Variants in SPTBN1 observed in about 807,000 individuals in gnomAD.
The protein encoded by SPTBN1 is spectrin beta chain, non-erythrocytic 1.
In SPTBN1, 32 loss-of-function variants were observed where a neutral mutation model predicts 266.4. That is an observed-to-expected ratio of 0.12 (90% CI 0.09 to 0.16). SPTBN1 has a LOEUF of 0.16. SPTBN1 is among the 10% of genes least tolerant of loss of function. The pLI is 1.00. For missense variants in SPTBN1, 2,296 were observed against 3,067.1 expected, an observed-to-expected ratio of 0.75 and a Z score of 5.94; for synonymous variants, 1,336 against 1,162.2, an observed-to-expected ratio of 1.15 and a Z score of -3.04.
At chr2:54,472,702 G>A (rs1693992719) in intron 1 of SPTBN1, among the ~76,000 whole-genome samples, 1 of 152,118 alleles carries the variant, frequency 6.6e-6, no homozygotes, top group South Asian at 2.1e-4. Context: ...GTGGGTACCT[G>A]GGTGGGGCTG....
chr2:54,648,399 C>T (rs1192750982), intron 24 of SPTBN1, among the ~76,000 whole-genome samples: 3 of 152,124 alleles, frequency 2.0e-5, no homozygotes, highest in Admixed American at 6.6e-5. Flanking sequence ...CTCCTGACTG[C>T]GCACCTGGGA....
chr2:54,603,703 G>A (rs1046095257), intron 3 of SPTBN1, among the ~76,000 whole-genome samples: 2 of 152,208 alleles, frequency 1.3e-5, no homozygotes, highest in Non-Finnish European at 2.9e-5. Context: ...TTGGGGACTA[G>A]TGTGAAGTGA....
At chr2:54,489,693 C>G (rs761568734) in intron 1 of SPTBN1, among the ~76,000 whole-genome samples, 2 of 152,178 alleles carry the variant, frequency 1.3e-5, no homozygotes, top group African/African-American at 2.4e-5. Context: ...AGAGAGGGCA[C>G]CCTGTCTCAA....
chr2:54,529,851 CCAAAAAAAAAAA>C, intron 2 of SPTBN1: 2 of 59,520 alleles, frequency 3.4e-5, no homozygotes, highest in Non-Finnish European at 2.8e-5. Context: ...TCTCTTTTCA[CCAAAAAAAAAAA>C]AAAAAAAAAA....
intron 1 of SPTBN1, among the ~76,000 whole-genome samples, chr2:54,485,956 A>T (rs867246631): frequency 3.5e-5 from 5 of 144,318 alleles, no homozygotes; most frequent in African/African-American, 1.3e-4. Context: ...CTGCCTGGCA[A>T]CCACCCCGTC....
At chr2:54,622,697 C>T (rs150222005) in intron 9 of SPTBN1, among the ~76,000 whole-genome samples, 82 of 152,312 alleles carry the variant, frequency 5.4e-4, no homozygotes, top group African/African-American at 1.7e-3. Flanking sequence ...GTGCCACTGA[C>T]ATACAGGATA....
intron 2 of SPTBN1, among the ~76,000 whole-genome samples, chr2:54,576,714 C>T (rs1674508443): frequency 1.3e-5 from 2 of 152,176 alleles, no homozygotes; most frequent in African/African-American, 4.8e-5. Flanking sequence ...ATCCATCCAC[C>T]TGTTCAATCA....
chr2:54,498,373 C>G (rs911733826), intron 1 of SPTBN1, among the ~76,000 whole-genome samples: 1 of 152,146 alleles, frequency 6.6e-6, no homozygotes, highest in African/African-American at 2.4e-5. Context: ...CTTGTGATGA[C>G]TGTGTTAGAC....
Position 54,644,327 on chromosome 2 carries a change from G to A in SPTBN1, c.4010G>A (p.Gly1337Glu). Reference protein sequence around the residue: ...KEWLDKIEKEGMQLISEKPET... With the variant: ...KEWLDKIEKEEMQLISEKPET... ...CATGTTGGTTTTGTTTTCCAGGAAG[G>A]AATGCAGCTCATTTCAGAAAAGCCT... The change falls in exon 20 of 36, where the codon GGA becomes GAA. Residue 1337 changes from glycine (G) to glutamate (E), a missense_variant. Physicochemically the swap from Gly to Glu is moderately conservative, Grantham distance 98. Transcript: ENST00000356805. 1.2e-6 allele frequency: 2 copies of A among 1,603,068 alleles called. No individual in the cohort carries two copies. Among genetic ancestry groups the A allele is most frequent in the Non-Finnish European group, 1.7e-6 (2 of 1,170,830 alleles).
Position 54,667,481 on chromosome 2 carries a change from G to A in SPTBN1, c.6834-123G>A, listed in dbSNP as rs183988811. ...GTCCCCAGGCTTGGTGGTGACATAT[G>A]TAGGTTGACGCTTCTGTTGTGACTC... On this transcript the variant is annotated intron_variant, in intron 34 of 35. Transcript: ENST00000356805. 429 of 857,934 alleles carry A rather than the reference G, an allele frequency of 5.0e-4. No individual in the cohort carries two copies. The African/African-American group carries it at 6.9e-3, about 14-fold the overall frequency. 53.1% of individuals were successfully genotyped at this position (857,934 alleles called of 1,614,324 possible). A position where few individuals can be genotyped will look rare whatever the true frequency, so the allele number is the denominator to read the frequency against.
At position 54,494,037 on chromosome 2, in the gene SPTBN1, G is replaced by A. The variant is rs545448087; in HGVS notation, c.-47-32335G>A. ...TTTCTCATAAATGCCACTGTAGAGA[G>A]TACAGAGAAAAATGCAATTAATGGT... On this transcript the variant is annotated intron_variant, in intron 1 of 35. Transcript: ENST00000356805. Among the ~76,000 whole-genome samples the A allele has an allele frequency of 1.7e-4, 26 of 152,296 alleles. 1 individual carries two copies. The highest frequency in any genetic ancestry group is 6.5e-4 in the Admixed American group (10 of 15,292).
intron 1 of SPTBN1, among the ~76,000 whole-genome samples, chr2:54,519,215 A>C (rs574888548): frequency 6.6e-6 from 1 of 152,330 alleles, no homozygotes; most frequent in South Asian, 2.1e-4. Flanking sequence ...ATTAGCAAGC[A>C]CTTAATGTTA....
intron 1 of SPTBN1, among the ~76,000 whole-genome samples, chr2:54,523,154 G>C (rs1041965679): frequency 1.3e-5 from 2 of 152,202 alleles, no homozygotes; most frequent in Non-Finnish European, 2.9e-5. Flanking sequence ...AAGGGTTTAT[G>C]ACTTTGAATG....
At chr2:54,570,480 G>C (rs1389966444) in intron 2 of SPTBN1, among the ~76,000 whole-genome samples, 1 of 152,158 alleles carries the variant, frequency 6.6e-6, no homozygotes, top group South Asian at 2.1e-4. Flanking sequence ...AAGTCTGGAG[G>C]CTCTGTTCTA....
At chr2:54,550,953 C>A (rs1672532733) in intron 2 of SPTBN1, among the ~76,000 whole-genome samples, 1 of 152,156 alleles carries the variant, frequency 6.6e-6, no homozygotes, top group Non-Finnish European at 1.5e-5. Context: ...ATGTCCCTCA[C>A]CTTTCTCTTT....
At chr2:54,528,438 C>A (rs1018937891) in intron 2 of SPTBN1, 2 of 152,620 alleles carry the variant, frequency 1.3e-5, no homozygotes, top group Non-Finnish European at 2.9e-5. Flanking sequence ...TTACCTAGGT[C>A]CCTCAGTAAC....
intron 1 of SPTBN1, among the ~76,000 whole-genome samples, chr2:54,490,149 G>T (rs1433907059): frequency 6.7e-6 from 1 of 150,036 alleles, no homozygotes; most frequent in Non-Finnish European, 1.5e-5. Context: ...TCAGCTCACT[G>T]CAACCTCCGC....
In SPTBN1 at chr2:54,670,472, T is replaced by TA; in HGVS notation, c.*1904dup. ...CATCAAAGCTTTCTCTTAACTCTCTTACCTCTAGGCAAACTGAGACCTCAC... is the reference window on the plus strand; with the variant it reads ...CATCAAAGCTTTCTCTTAACTCTCTTAACCTCTAGGCAAACTGAGACCTCAC... On this transcript the variant is annotated 3_prime_UTR_variant, in exon 36 of 36. Coordinates refer to ENST00000356805, the MANE Select transcript of SPTBN1 (RefSeq NM_003128.3). 2.6e-6 allele frequency: 1 copy of TA among 385,670 alleles called. No individual in the cohort carries two copies. 23.9% of individuals were successfully genotyped at this position (385,670 alleles called of 1,614,324 possible).
chr2:54,625,651 C>T (rs995373758), intron 11 of SPTBN1, among the ~76,000 whole-genome samples: 2 of 152,090 alleles, frequency 1.3e-5, no homozygotes, highest in Non-Finnish European at 2.9e-5. Flanking sequence ...AGTGCAGTGG[C>T]GCAATCTCGG....
Sources: gnomAD v4.1 joint callset for allele counts (sites outside exome capture counted in the v4.1 genomes callset) on GRCh38, gnomAD v4.1.1 for gene constraint, MANE v1.5 for transcripts, NCBI Gene and HGNC (gene_info 2026-07-23, HGNC 2026-07-21) for gene names.